The following FAM151A variants were observed in gnomAD, a reference collection of about 807,000 sequenced individuals.
The protein encoded by FAM151A is protein FAM151A.
Under a neutral mutation model 40.4 loss-of-function variants are expected in FAM151A, and 41 were observed. The observed-to-expected ratio is 1.01, with a 90% CI of 0.79 to 1.32. FAM151A has a LOEUF of 1.32. Among genes scored for constraint, FAM151A ranks in the 40% most tolerant of loss-of-function variants. The probability of loss-of-function intolerance (pLI) is 0.00; values close to 1 mark genes in which losing one functional copy is unlikely to be tolerated. For synonymous variants in FAM151A, 337 were observed against 312.5 expected, an observed-to-expected ratio of 1.08 and a Z score of -0.83; for missense variants, 740 against 740.4, an observed-to-expected ratio of 1.00 and a Z score of 0.01.
At chr1:54,610,825 G>A (rs1433846997) in intron 6 of FAM151A, 1 of 985,262 alleles carries the variant, frequency 1.0e-6, no homozygotes, top group Non-Finnish European at 1.2e-6. Flanking sequence ...TCGCTTAGGT[G>A]GCTCCCATGG....
In FAM151A at chr1:54,616,033, G is replaced by A. The variant is rs2101020142; in HGVS notation, c.402C>T (p.Gly134=). 1 of 1,613,882 alleles carries A rather than the reference G, an allele frequency of 6.2e-7. No individual in the cohort carries two copies. The highest frequency in any genetic ancestry group is 2.2e-5 in the East Asian group (1 of 44,868). The change falls in exon 3 of 8, where the codon GGC becomes GGT. Residue 134 remains glycine, a synonymous_variant. Transcript: ENST00000302250. The part of the protein sequence containing the change: ...TLEQWLDAVL[G]SSQKGIKLDF... ...AGAGGCCCTTACCCTTTTGGGAAGA[G>A]CCCAGCACAGCGTCCAGCCACTGCT...
chr1:54,622,732 C>T (rs1644241808), intron 1 of FAM151A, among the ~76,000 whole-genome samples: 1 of 151,804 alleles, frequency 6.6e-6, no homozygotes, highest in South Asian at 2.1e-4. Flanking sequence ...AGAGTGAAAA[C>T]TCCGTCTCAA....
rs1414486160 is a variant in FAM151A at position 54,621,724 on chromosome 1, G to A, written c.118+1554C>T. 7.9e-5 allele frequency: 12 copies of A among 152,842 alleles called. No individual in the cohort carries two copies. In the Admixed American group the frequency reaches 7.9e-4, roughly 10 times the overall value. The allele number at this position is 152,842 out of a possible 1,614,324, so 9.5% of individuals were successfully genotyped here. A position where few individuals can be genotyped will look rare whatever the true frequency, so the allele number is the denominator to read the frequency against. ...AGGGCTGGAGGGCAGAGGGCAGAAA[G>A]GCAGAGCCCTTGAGGCTCAGGACTG... is the stretch of plus-strand genomic sequence containing the variant. On this transcript the variant is annotated intron_variant, in intron 1 of 7. Coordinates refer to ENST00000302250, the MANE Select transcript of FAM151A (RefSeq NM_176782.3).
intron 7 of FAM151A, chr1:54,610,179 C>T (rs1161617115): frequency 7.0e-7 from 1 of 1,432,658 alleles, no homozygotes; most frequent in South Asian, 1.5e-5. Flanking sequence ...GGGGCTGGTG[C>T]CGGCCTTGCC....
Position 54,611,750 on chromosome 1 carries a change from G to A in FAM151A, c.801-5C>T. The A allele has an allele frequency of 6.2e-7, 1 of 1,613,990 alleles. No individual in the cohort carries two copies. The highest frequency in any genetic ancestry group is 8.5e-7 in the Non-Finnish European group (1 of 1,179,954). On this transcript the variant is annotated splice_region_variant and splice_polypyrimidine_tract_variant and intron_variant, in intron 5 of 7. Transcript: ENST00000302250. ...TGCCACAGCGTCAGGCTGTACCTGG[G>A]GACACGAGAGCTGGCTCAGTGCCTG...
In FAM151A at chr1:54,623,440, G is replaced by T; in HGVS notation, c.-45C>A. The T allele has an allele frequency of 6.9e-7, 1 of 1,448,784 alleles. No homozygotes were observed. The highest frequency in any genetic ancestry group is 9.7e-7 in the Non-Finnish European group (1 of 1,034,812). 89.7% of individuals were successfully genotyped at this position (1,448,784 alleles called of 1,614,324 possible). A position where few individuals can be genotyped will look rare whatever the true frequency, so the allele number is the denominator to read the frequency against. On this transcript the variant is annotated 5_prime_UTR_variant, in exon 1 of 8. Transcript: ENST00000302250. Reference sequence around the variant, plus strand: ...TGCCCCCAACTCCGTGCGGCCCAGAGTCCCTGAGGCTCCCTGCAGCTGGAA... The same window carrying T: ...TGCCCCCAACTCCGTGCGGCCCAGATTCCCTGAGGCTCCCTGCAGCTGGAA...
rs1240398654 is a variant in FAM151A at position 54,615,052 on chromosome 1, A to G, written c.416-193T>C. ...CCTTTCGAAGAGACAGAGCTAACTC[A>G]GAGAAGAAGGGCCTGCCTCTAGAGG... On this transcript the variant is annotated intron_variant, in intron 3 of 7. Coordinates refer to ENST00000302250, the MANE Select transcript of FAM151A (RefSeq NM_176782.3). Among the ~76,000 whole-genome samples the G allele has an allele frequency of 2.7e-5, 4 of 149,006 alleles. No individual in the cohort carries two copies. The Admixed American group carries it at 2.7e-4, about 10-fold the overall frequency.
In FAM151A at chr1:54,614,701, G is replaced by GT. The variant is rs567209307; in HGVS notation, c.573dup (p.Gln192ThrfsTer75). ...TGGGACAGAGAGGCGAACACTCACT[G>GT]TGTGGCATTGACCTCAGTTGAGATG... On this transcript the variant is annotated frameshift_variant and splice_region_variant, in exon 4 of 8. Transcript: ENST00000302250. LOFTEE classifies it high-confidence loss of function. 3.9e-4 allele frequency: 629 copies of GT among 1,611,856 alleles called. 5 individuals are homozygous for GT. The African/African-American group carries it at 7.7e-3, about 20-fold the overall frequency.
intron 2 of FAM151A, among the ~76,000 whole-genome samples, chr1:54,617,321 A>G (rs961647619): frequency 1.3e-5 from 2 of 152,136 alleles, no homozygotes; most frequent in Admixed American, 6.5e-5. Flanking sequence ...GACTGATGCC[A>G]GAAGGGGCCT....
Position 54,612,593 on chromosome 1 carries a change from C to T in FAM151A, c.693G>A (p.Met231Ile). 1 of 1,614,134 alleles carries T rather than the reference C, an allele frequency of 6.2e-7. No individual in the cohort carries two copies. Among genetic ancestry groups the T allele is most frequent in the Non-Finnish European group, 8.5e-7 (1 of 1,180,010 alleles). Residue 231 changes from methionine to isoleucine, a missense_variant, in exon 5 of 8, where the codon ATG becomes ATA. Coordinates refer to ENST00000302250, the MANE Select transcript of FAM151A (RefSeq NM_176782.3). The part of the protein sequence containing the change: ...RTYTQAMVEK[M>I]HELVGGVPQR... The stretch of plus-strand genomic sequence containing the variant: ...GGGGCACTCCTCCCACCAGCTCGTG[C>T]ATCTTCTCCACCATGGCTTGGGTGT...
chr1:54,615,980 A>T lies in FAM151A; in HGVS notation c.415+40T>A, dbSNP rs1041995144. ...TCTGCACATGCTGCCCCAGGGCCAGAGGGCTGGGGGCCGGAGAGGGTTTCC... is the reference window on the plus strand; with the variant it reads ...TCTGCACATGCTGCCCCAGGGCCAGTGGGCTGGGGGCCGGAGAGGGTTTCC... On this transcript the variant is annotated intron_variant, in intron 3 of 7. Coordinates refer to ENST00000302250, the MANE Select transcript of FAM151A (RefSeq NM_176782.3). 1.4e-5 allele frequency: 22 copies of T among 1,604,764 alleles called. No individual in the cohort carries two copies. The Admixed American group carries it at 2.5e-4, about 18-fold the overall frequency.
intron 2 of FAM151A, among the ~76,000 whole-genome samples, chr1:54,618,690 G>A (rs1277982021): frequency 6.6e-6 from 1 of 152,080 alleles, no homozygotes; most frequent in Non-Finnish European, 1.5e-5. Flanking sequence ...ATTCAGGAGG[G>A]AAGGGGACAT....
chr1:54,614,944 G>C (rs1644156654), intron 3 of FAM151A, 85 bp from the exon 4 acceptor site: 1 of 1,211,234 alleles, frequency 8.3e-7, no homozygotes, highest in Admixed American at 2.4e-5. Flanking sequence ...GAGCGGGTGT[G>C]TGTGTGTGTG....
chr1:54,623,216 G>T, intron 1 of FAM151A, 62 bp downstream of exon 1: 2 of 1,085,094 alleles, frequency 1.8e-6, no homozygotes, highest in Non-Finnish European at 1.4e-6. Flanking sequence ...TAAGTGAGAA[G>T]TGGGGATAAG....
chr1:54,614,880 GC>G (rs1330300527), intron 3 of FAM151A, 21 bp from the exon 4 acceptor site: 1 of 1,610,108 alleles, frequency 6.2e-7, no homozygotes, highest in East Asian at 2.2e-5. Context: ...AGGAACAAGG[GC>G]TTGGGGAAAT....
chr1:54,622,074 G>A (rs1193384627), intron 1 of FAM151A, among the ~76,000 whole-genome samples: 1 of 151,634 alleles, frequency 6.6e-6, no homozygotes, highest in Non-Finnish European at 1.5e-5. Flanking sequence ...AGGAGTTCAA[G>A]ACCATCCTGG....
chr1:54,611,722 G>A lies in FAM151A; in HGVS notation c.824C>T (p.Ala275Val), dbSNP rs200032037. The change falls in exon 6 of 8, where the codon GCT becomes GTT. Residue 275 changes from alanine to valine, a missense_variant. Coordinates refer to ENST00000302250, the MANE Select transcript of FAM151A (RefSeq NM_176782.3). ...TTCCACCGACATGGGGTCCGAGGCA[G>A]CCTGCCACAGCGTCAGGCTGTACCT... ...SERYSLTLWQ[A>V]ASDPMSVEDL... is the part of the protein sequence containing the mutation. 2 of 1,614,160 alleles carry A rather than the reference G, an allele frequency of 1.2e-6. No individual in the cohort carries two copies. The highest frequency in any genetic ancestry group is 1.7e-5 in the Admixed American group (1 of 60,022).
chr1:54,618,396 C>T (rs1173401757), intron 2 of FAM151A, among the ~76,000 whole-genome samples: 2 of 151,986 alleles, frequency 1.3e-5, no homozygotes, highest in African/African-American at 4.8e-5. Context: ...CCCAGCTACT[C>T]GGGAGGCTAA....
rs762609678 is a variant in FAM151A at position 54,610,538 on chromosome 1, G to T, written c.958C>A (p.Pro320Thr). The change falls in exon 7 of 8, where the codon CCA becomes ACA. Residue 320 changes from proline to threonine, a missense_variant. By Grantham distance (38) the Pro-to-Thr change is conservative. Transcript: ENST00000302250. ...KQLALNATRKPMYYTGGSLIP... is the reference protein window; with the variant it reads ...KQLALNATRKTMYYTGGSLIP... ...AGGCTGCCTCCCGTGTAGTACATTG[G>T]TTTCCGTGTGGCATTCACTGTGGGG... 3 of 1,612,690 alleles carry T rather than the reference G, an allele frequency of 1.9e-6. No individual in the cohort carries two copies. The South Asian group carries it at 3.3e-5, about 18-fold the overall frequency.
Sources: allele counts gnomAD v4.1 joint callset (sites outside exome capture counted in the v4.1 genomes callset), GRCh38; gene constraint gnomAD v4.1.1; transcripts MANE v1.5; gene names NCBI Gene and HGNC (gene_info 2026-07-23, HGNC 2026-07-21).